Variants in FYCO1 observed in about 807,000 individuals in gnomAD.
FYCO1 encodes the protein FYVE and coiled-coil domain autophagy adaptor 1.
A neutral mutation model predicts 165.1 loss-of-function variants in FYCO1; 122 were observed. The observed-to-expected ratio is 0.74, with a 90% confidence interval of 0.64 to 0.86. The LOEUF (loss-of-function observed/expected upper bound fraction) is 0.86, where lower values mean the gene tolerates loss of function less well. FYCO1 is among the 40% of genes least tolerant of loss of function. The pLI, the probability that FYCO1 is intolerant of heterozygous loss-of-function variation, is 0.00. For missense variants in FYCO1, 1,702 were observed against 1,810.3 expected (o/e 0.94, Z 1.09); for synonymous variants, 648 against 742.5 (o/e 0.87, Z 2.07).
At position 45,963,321 on chromosome 3, in the gene FYCO1, T is replaced by C. The variant is rs894353816; in HGVS notation, c.3270-929A>G. 3.3e-5 allele frequency among the ~76,000 whole-genome samples: 5 copies of C among 152,190 alleles called. No individual in the cohort carries two copies. The East Asian group carries it at 7.7e-4, about 23-fold the overall frequency. On this transcript the variant is annotated intron_variant, in intron 10 of 17. Transcript: ENST00000296137. The stretch of plus-strand genomic sequence containing the variant: ...AACTGAAACAAATGCTCTGAGATCT[T>C]ACAAAAAACCACTGTTTATCATGTT...
rs1252729350 is a variant in FYCO1 at position 45,962,769 on chromosome 3, G to A, written c.3270-377C>T. ...GAGTCAGGACAGGCAGGACAGAGGT[G>A]TAGCTTCCTGGAGGTGGCCACACAG... On this transcript the variant is annotated intron_variant, in intron 10 of 17. Transcript: ENST00000296137. The surrounding 1 kb of genome is among the most constrained non-coding windows in gnomAD (Gnocchi z 4.4). Among the ~76,000 whole-genome samples, 3 of 152,140 alleles carry A rather than the reference G, an allele frequency of 2.0e-5. No individual in the cohort carries two copies. The highest frequency in any genetic ancestry group is 7.2e-5 in the African/African-American group (3 of 41,396).
intron 11 of FYCO1, among the ~76,000 whole-genome samples, chr3:45,961,432 G>A (rs2125842094): frequency 6.6e-6 from 1 of 152,136 alleles, no homozygotes; most frequent in Non-Finnish European, 1.5e-5. Context: ...ATAAAAATTA[G>A]CTGGGAGTGG....
chr3:45,956,320 A>G (rs1705318122), intron 13 of FYCO1, among the ~76,000 whole-genome samples: 1 of 150,610 alleles, frequency 6.6e-6, no homozygotes, highest in Admixed American at 6.7e-5. Flanking sequence ...TGAGAAACAG[A>G]GCAAGACTTA....
At chr3:45,925,806 G>A (rs1227554625) in intron 16 of FYCO1, among the ~76,000 whole-genome samples, 1 of 152,164 alleles carries the variant, frequency 6.6e-6, no homozygotes, top group Non-Finnish European at 1.5e-5. Flanking sequence ...AATGCCAGGG[G>A]AAACTTCTTG....
intron 1 of FYCO1, among the ~76,000 whole-genome samples, chr3:45,992,703 A>AG (rs1260837905): frequency 2.0e-5 from 3 of 152,112 alleles, no homozygotes; most frequent in East Asian, 1.9e-4. Context: ...GAGGTGGGAA[A>AG]GGGGGGGTAA....
At chr3:45,955,610 CGAAAT>C (rs1370157331) in intron 13 of FYCO1, among the ~76,000 whole-genome samples, 1 of 152,062 alleles carries the variant, frequency 6.6e-6, no homozygotes, top group Admixed American at 6.5e-5. Context: ...GGCTTACAGA[CGAAAT>C]GGAATGTACA....
rs978028690 is a variant in FYCO1 at position 45,937,288 on chromosome 3, G to A, written c.3945-745C>T. 7.0e-4 allele frequency among the ~76,000 whole-genome samples: 106 copies of A among 152,370 alleles called. 1 individual carries two copies. Among genetic ancestry groups the A allele is most frequent in the African/African-American group, 2.5e-3 (104 of 41,588 alleles). ...CTCATGTGAAGGCATCAATGAGGAA[G>A]ATCTCCCATGCAGTGTGGCTTCTTT... On this transcript the variant is annotated intron_variant, in intron 14 of 17. Coordinates refer to ENST00000296137, the MANE Select transcript of FYCO1 (RefSeq NM_024513.4).
chr3:45,930,456 C>A (rs1703536354), intron 16 of FYCO1, among the ~76,000 whole-genome samples: 1 of 152,226 alleles, frequency 6.6e-6, no homozygotes, highest in African/African-American at 2.4e-5. Flanking sequence ...GGTTCTCAAC[C>A]TTGGCTGCTC....
At chr3:45,952,352 C>T (rs1705080006) in intron 14 of FYCO1, among the ~76,000 whole-genome samples, 1 of 152,168 alleles carries the variant, frequency 6.6e-6, no homozygotes, top group African/African-American at 2.4e-5. Flanking sequence ...CTAGATCTCC[C>T]ACACTTTCTC....
intron 11 of FYCO1, among the ~76,000 whole-genome samples, chr3:45,959,894 C>T (rs547101812): frequency 5.3e-4 from 81 of 152,310 alleles, no homozygotes; most frequent in African/African-American, 1.9e-3. Flanking sequence ...ATGCCGACGG[C>T]GTGCAGTAAG....
At chr3:45,956,046 G>T (rs1319533292) in intron 13 of FYCO1, among the ~76,000 whole-genome samples, 3 of 152,052 alleles carry the variant, frequency 2.0e-5, no homozygotes, top group Non-Finnish European at 4.4e-5. Flanking sequence ...AGGCAAAAAT[G>T]AAAAAAACAC....
At chr3:45,965,153 A>C (rs1412776614) in intron 8 of FYCO1, 28 bp from the exon 9 acceptor site, 1 of 1,566,308 alleles carries the variant, frequency 6.4e-7, no homozygotes, top group Admixed American at 1.7e-5. Flanking sequence ...GAAAGAGGAC[A>C]TAAAAGTAGG....
intron 16 of FYCO1, among the ~76,000 whole-genome samples, chr3:45,925,467 T>C (rs1461273546): frequency 2.0e-5 from 3 of 152,238 alleles, no homozygotes; most frequent in Non-Finnish European, 1.5e-5. Flanking sequence ...AGAAATACAA[T>C]TTTTATTAAA....
In FYCO1 at chr3:45,924,801, C is replaced by T. The variant is rs541641698; in HGVS notation, c.4252-1036G>A. On this transcript the variant is annotated intron_variant, in intron 16 of 17. Transcript: ENST00000296137. ...CTAATTTTTGTATTTTTAGCAGAGA[C>T]GGAGTTTCACCATGTTGGCCAGGTT... Among the ~76,000 whole-genome samples the T allele has an allele frequency of 5.9e-5, 9 of 152,150 alleles. No individual in the cohort carries two copies. The South Asian group carries it at 8.3e-4, about 14-fold the overall frequency.
intron 14 of FYCO1, chr3:45,943,474 A>G (rs536451108): frequency 6.6e-6 from 1 of 152,352 alleles, no homozygotes; most frequent in Non-Finnish European, 1.5e-5. Context: ...ACATCACAGA[A>G]GTAGAGGCAG....
At chr3:45,930,726 C>T (rs1158643938) in intron 16 of FYCO1, among the ~76,000 whole-genome samples, 5 of 152,210 alleles carry the variant, frequency 3.3e-5, no homozygotes, top group African/African-American at 1.2e-4. Flanking sequence ...CAAGGTGATC[C>T]ATTCCTGCTT....
At chr3:45,975,713 A>G (rs1037708746) in intron 4 of FYCO1, among the ~76,000 whole-genome samples, 1 of 152,226 alleles carries the variant, frequency 6.6e-6, no homozygotes, top group Non-Finnish European at 1.5e-5. Context: ...AATAAAACTC[A>G]GTTTTATATT....
rs148650293 is a variant in FYCO1, at chr3:45,954,024, C to T, written c.3944+1225G>A. Among the ~76,000 whole-genome samples, 74 of 152,322 alleles carry T rather than the reference C, an allele frequency of 4.9e-4. 1 individual carries two copies. The East Asian group carries it at 0.013, about 26-fold the overall frequency. On this transcript the variant is annotated intron_variant, in intron 14 of 17. Coordinates refer to ENST00000296137, the MANE Select transcript of FYCO1 (RefSeq NM_024513.4). ...CTCATGGACAAAGCCAATCCAATCA[C>T]CAAACTGGAGACCCAAGACAGCCCC...
Position 45,967,730 on chromosome 3 carries a change from TG to T in FYCO1, c.1603del (p.Gln535ArgfsTer43). The T allele has an allele frequency of 6.2e-7, 1 of 1,613,304 alleles. No homozygotes were observed. Among genetic ancestry groups the T allele is most frequent in the Non-Finnish European group, 8.5e-7 (1 of 1,180,040 alleles). ...TTTGTCCTGAATGAGCTGCTTCTTC[TG>T]CTCCTCCAGGTCACTCACATGTTGG... ...VSQHVSDLEE[Q>X]KKQLIQDKDH... On this transcript the variant is annotated frameshift_variant, in exon 8 of 18. Transcript: ENST00000296137. LOFTEE classifies it high-confidence loss of function.
Sources: gnomAD v4.1 joint callset for allele counts (sites outside exome capture counted in the v4.1 genomes callset) on GRCh38, gnomAD v4.1.1 for gene constraint, Gnocchi (gnomAD v3.1) non-coding constraint, MANE v1.5 for transcripts, NCBI Gene and HGNC (gene_info 2026-07-23, HGNC 2026-07-21) for gene names.